ZMYND8: variants seen among roughly 807,000 people sequenced by gnomAD.
ZMYND8 encodes zinc finger MYND-type containing 8, also known as MYND-type zinc finger-containing chromatin reader ZMYND8.
ZMYND8 carries 37 observed loss-of-function variants against 140.8 expected under a neutral mutation model. The observed-to-expected ratio is 0.26, with a 90% CI of 0.20 to 0.35. ZMYND8 has a LOEUF of 0.35. Among genes scored for constraint, ZMYND8 ranks in the 10% least tolerant of loss-of-function variants. The pLI, the probability that ZMYND8 is intolerant of heterozygous loss-of-function variation, is 1.00. For synonymous variants in ZMYND8, 592 were observed against 597.1 expected (o/e 0.99, Z 0.12); for missense variants, 1,068 against 1,570.0 (o/e 0.68, Z 5.40).
chr20:47,244,064 C>G (rs1416910484), intron 14 of ZMYND8, among the ~76,000 whole-genome samples: 1 of 152,210 alleles, frequency 6.6e-6, no homozygotes, highest in African/African-American at 2.4e-5. Flanking sequence ...CTGCAGGAAT[C>G]CTCTCTCACT....
At chr20:47,247,315 G>A (rs534990960) in intron 13 of ZMYND8, among the ~76,000 whole-genome samples, 7 of 152,322 alleles carry the variant, frequency 4.6e-5, no homozygotes, top group East Asian at 1.9e-4. Context: ...CTAGGCGGGG[G>A]ACACACTTGT....
intron 2 of ZMYND8, among the ~76,000 whole-genome samples, chr20:47,341,796 G>A (rs1450126230): frequency 1.3e-5 from 2 of 152,092 alleles, no homozygotes; most frequent in Non-Finnish European, 2.9e-5. Context: ...GAGGTCAGGA[G>A]ATCGAGACCA....
chr20:47,270,697 G>GAAAAAAAAAAAAAAA (rs34474269), intron 11 of ZMYND8, among the ~76,000 whole-genome samples: 3 of 86,630 alleles, frequency 3.5e-5, no homozygotes, highest in Non-Finnish European at 4.2e-5. Flanking sequence ...CCCTGTCTCT[G>GAAAAAAAAAAAAAAA]AAAAAAAAAA....
At chr20:47,252,116 A>G (rs1225728889) in intron 12 of ZMYND8, among the ~76,000 whole-genome samples, 4 of 151,928 alleles carry the variant, frequency 2.6e-5, no homozygotes, top group Admixed American at 1.3e-4. Flanking sequence ...TAACATGGTG[A>G]AATCCCGTCT....
intron 5 of ZMYND8, among the ~76,000 whole-genome samples, chr20:47,292,263 G>A (rs187239007): frequency 3.3e-5 from 5 of 152,210 alleles, no homozygotes; most frequent in Admixed American, 6.5e-5. Context: ...AGAAATTAAC[G>A]CCCTCTTCAA....
At chr20:47,327,957 G>A (rs1374132416) in intron 2 of ZMYND8, among the ~76,000 whole-genome samples, 1 of 152,114 alleles carries the variant, frequency 6.6e-6, no homozygotes, top group African/African-American at 2.4e-5. Context: ...TGAGGCTACA[G>A]GTGCATGCCA....
At chr20:47,269,206 A>T (rs1460656204) in intron 11 of ZMYND8, among the ~76,000 whole-genome samples, 1 of 152,232 alleles carries the variant, frequency 6.6e-6, no homozygotes. Context: ...CTCAAAAAAA[A>T]TAAATAAATA....
intron 13 of ZMYND8, among the ~76,000 whole-genome samples, chr20:47,247,302 C>T (rs2040677999): frequency 6.6e-6 from 1 of 152,212 alleles, no homozygotes; most frequent in African/African-American, 2.4e-5. Context: ...GCCACTGGCT[C>T]CTCTAGGCGG....
At chr20:47,288,348 C>T (rs971787502) in intron 7 of ZMYND8, among the ~76,000 whole-genome samples, 1 of 149,628 alleles carries the variant, frequency 6.7e-6, no homozygotes, top group African/African-American at 2.5e-5. Context: ...ATTTGATAGG[C>T]GGGGCCTTTC....
At chr20:47,329,136 C>T (rs775781733) in intron 2 of ZMYND8, among the ~76,000 whole-genome samples, 2 of 152,206 alleles carry the variant, frequency 1.3e-5, no homozygotes, top group Non-Finnish European at 2.9e-5. Context: ...AAACTTAAAA[C>T]TCAATAATCA....
At chr20:47,252,791 C>T (rs570643315) in intron 12 of ZMYND8, among the ~76,000 whole-genome samples, 3 of 151,860 alleles carry the variant, frequency 2.0e-5, no homozygotes. Flanking sequence ...TGGTGGCACA[C>T]GCCTGTAATC....
rs776519050 is a variant in ZMYND8, at chr20:47,239,020, C to T, written c.2403G>A (p.Thr801=). 5.6e-6 allele frequency: 9 copies of T among 1,599,198 alleles called. No homozygotes were observed. Among genetic ancestry groups the T allele is most frequent in the South Asian group, 2.2e-5 (2 of 89,978 alleles). ...SAAGATATTS[T]SSTVTVTAPA... is the part of the protein sequence containing the mutation. Reference sequence around the variant, plus strand: ...GGGCCGTGACGGTGACCGTGGAGGACGTGCTGGTGGTGGCTGTGGCGCCAG... The same window carrying T: ...GGGCCGTGACGGTGACCGTGGAGGATGTGCTGGTGGTGGCTGTGGCGCCAG... The change falls in exon 15 of 23, where the codon ACG becomes ACA. Residue 801 remains threonine (T), a synonymous_variant. Transcript: ENST00000471951.
chr20:47,343,375 G>GT, intron 2 of ZMYND8, among the ~76,000 whole-genome samples: 1 of 152,312 alleles, frequency 6.6e-6, no homozygotes, highest in South Asian at 2.1e-4. Flanking sequence ...AAGCTGGAAT[G>GT]ATTTGAGCAA....
At chr20:47,275,580 T>C (rs2076207839) in intron 11 of ZMYND8, among the ~76,000 whole-genome samples, 1 of 152,060 alleles carries the variant, frequency 6.6e-6, no homozygotes, top group South Asian at 2.1e-4. Flanking sequence ...AGTACTATTA[T>C]TGTTTTTTAC....
At chr20:47,310,781 G>A (rs796206787) in intron 2 of ZMYND8, among the ~76,000 whole-genome samples, 146 of 122,878 alleles carry the variant, frequency 1.2e-3, no homozygotes, top group African/African-American at 4.6e-3. Flanking sequence ...GCAAGCCTCC[G>A]ACGTGAAAAA....
At chr20:47,250,974 G>A (rs536558900) in intron 12 of ZMYND8, among the ~76,000 whole-genome samples, 1 of 152,016 alleles carries the variant, frequency 6.6e-6, no homozygotes, top group African/African-American at 2.4e-5. Context: ...GCTGTACTGA[G>A]CTATGATCAC....
chr20:47,309,910 C>CTTTTT, intron 3 of ZMYND8, 146 bp downstream of exon 3: 1 of 1,148,170 alleles, frequency 8.7e-7, no homozygotes, highest in Non-Finnish European at 1.2e-6. Context: ...TTTTAGCCAT[C>CTTTTT]TTTTTTTGTC....
chr20:47,293,148 AAGGGAGGGAGGGAGGG>A (rs768627350), intron 5 of ZMYND8, among the ~76,000 whole-genome samples: 6 of 83,322 alleles, frequency 7.2e-5, no homozygotes, highest in Non-Finnish European at 1.1e-4. Flanking sequence ...GGAAGGAAGG[AAGGGAGGGAGGGAGGG>A]AGGGAGGGAG....
At chr20:47,274,786 C>T (rs1453302230) in intron 11 of ZMYND8, among the ~76,000 whole-genome samples, 2 of 152,144 alleles carry the variant, frequency 1.3e-5, no homozygotes, top group South Asian at 2.1e-4. Flanking sequence ...CTACCACCAT[C>T]TGGGGAGCAG....
Sources: allele counts gnomAD v4.1 joint callset (sites outside exome capture counted in the v4.1 genomes callset), GRCh38; gene constraint gnomAD v4.1.1; transcripts MANE v1.5; gene names NCBI Gene and HGNC (gene_info 2026-07-23, HGNC 2026-07-21).